The following ACSBG1 variants were observed in gnomAD, a reference collection of about 807,000 sequenced individuals.
ACSBG1 encodes the protein long-chain-fatty-acid--CoA ligase ACSBG1.
ACSBG1 carries 39 observed loss-of-function variants against 80.2 expected under a neutral mutation model. That is an observed-to-expected ratio of 0.49 (90% CI 0.38 to 0.64). ACSBG1 has a LOEUF of 0.64. Among genes scored for constraint, ACSBG1 ranks in the 30% least tolerant of loss-of-function variants. The probability of loss-of-function intolerance (pLI) is 0.00; values close to 1 mark genes in which losing one functional copy is unlikely to be tolerated. For missense variants in ACSBG1, 828 were observed against 966.4 expected, an observed-to-expected ratio of 0.86 and a Z score of 1.90; for synonymous variants, 392 against 379.5, an observed-to-expected ratio of 1.03 and a Z score of -0.38.
At position 78,168,808 on chromosome 15, in the gene ACSBG1, GA is replaced by G. The variant is rs1428935686; in HGVS notation, c.*2635del. ...CTCACTTTGAAATGAGGAACTAAAT[GA>G]AAGAGCAGCCGAGTAACTTGCCCAG... On this transcript the variant is annotated 3_prime_UTR_variant, in exon 14 of 14. Coordinates refer to ENST00000258873, the MANE Select transcript of ACSBG1 (RefSeq NM_015162.5). 1.5e-6 allele frequency: 1 copy of G among 670,880 alleles called. No individual in the cohort carries two copies. The highest frequency in any genetic ancestry group is 2.7e-6 in the Non-Finnish European group (1 of 369,080). The allele number at this position is 670,880 out of a possible 1,614,324, so 41.6% of individuals were successfully genotyped here. A position where few individuals can be genotyped will look rare whatever the true frequency, so the allele number is the denominator to read the frequency against.
chr15:78,195,592 C>G (rs2075106231), intron 2 of ACSBG1, among the ~76,000 whole-genome samples: 1 of 152,140 alleles, frequency 6.6e-6, no homozygotes, highest in South Asian at 2.1e-4. Context: ...ACTCAGTTCT[C>G]AGGGTGGACA....
At chr15:78,225,432 T>TAAAA (rs1196511052) in intron 1 of ACSBG1, among the ~76,000 whole-genome samples, 17 of 145,522 alleles carry the variant, frequency 1.2e-4, no homozygotes, top group African/African-American at 1.5e-4. Context: ...AATAAATAAA[T>TAAAA]AAAAATAAAT....
chr15:78,228,548 C>T (rs1349896118), intron 1 of ACSBG1, among the ~76,000 whole-genome samples: 1 of 152,214 alleles, frequency 6.6e-6, no homozygotes, highest in Non-Finnish European at 1.5e-5. Flanking sequence ...TGGCTAAAAT[C>T]TCTGCAGCTC....
chr15:78,182,276 C>T, intron 7 of ACSBG1, 131 bp from the exon 8 acceptor site: 1 of 1,344,288 alleles, frequency 7.4e-7, no homozygotes, highest in Non-Finnish European at 1.0e-6. Flanking sequence ...CTGAAAACCC[C>T]AGGACAGGCC....
chr15:78,179,502 C>A lies in ACSBG1; in HGVS notation c.1484+48G>T, dbSNP rs2141326151. On this transcript the variant is annotated intron_variant, in intron 10 of 13. Coordinates refer to ENST00000258873, the MANE Select transcript of ACSBG1 (RefSeq NM_015162.5). ...CACTCAGCAGGCGGGCACAAAGTACCAGCAAGGGCGCATGGGTGTGCATGT... is the reference window on the plus strand; with the variant it reads ...CACTCAGCAGGCGGGCACAAAGTACAAGCAAGGGCGCATGGGTGTGCATGT... The A allele has an allele frequency of 5.1e-6, 8 of 1,555,586 alleles. 1 individual carries two copies. In the East Asian group the frequency reaches 1.8e-4, roughly 35 times the overall value.
intron 1 of ACSBG1, among the ~76,000 whole-genome samples, chr15:78,209,446 G>A (rs1036727208): frequency 6.6e-6 from 1 of 152,142 alleles, no homozygotes; most frequent in Non-Finnish European, 1.5e-5. Context: ...TGAAGAGATG[G>A]CAACGTGTGC....
intron 2 of ACSBG1, among the ~76,000 whole-genome samples, chr15:78,203,757 A>G (rs952853249): frequency 1.3e-5 from 2 of 152,252 alleles, no homozygotes; most frequent in Admixed American, 6.5e-5. Context: ...GAAAGGCTGC[A>G]GGAAAGTAGC....
chr15:78,210,720 C>T (rs762497449), intron 1 of ACSBG1, among the ~76,000 whole-genome samples: 1 of 152,198 alleles, frequency 6.6e-6, no homozygotes, highest in Non-Finnish European at 1.5e-5. Flanking sequence ...CTCAAGCAAT[C>T]CTCTCATCTC....
chr15:78,233,703 C>T (rs1041108384), intron 1 of ACSBG1, among the ~76,000 whole-genome samples: 12 of 151,940 alleles, frequency 7.9e-5, no homozygotes, highest in Non-Finnish European at 1.5e-4. Flanking sequence ...TGTGCGTGTG[C>T]GCGTGCGCCT....
chr15:78,230,449 C>T (rs527255042), intron 1 of ACSBG1, among the ~76,000 whole-genome samples: 1 of 152,216 alleles, frequency 6.6e-6, no homozygotes, highest in Admixed American at 6.5e-5. Context: ...AGATAAGCCC[C>T]TCTCAGGCTA....
At chr15:78,201,471 A>T (rs993559729) in intron 2 of ACSBG1, among the ~76,000 whole-genome samples, 2 of 152,060 alleles carry the variant, frequency 1.3e-5, no homozygotes, top group Non-Finnish European at 1.5e-5. Context: ...CCCATCTTGC[A>T]CCCCTGAGAG....
At chr15:78,210,504 A>AAGT (rs2075258012) in intron 1 of ACSBG1, among the ~76,000 whole-genome samples, 4 of 152,330 alleles carry the variant, frequency 2.6e-5, no homozygotes, top group Admixed American at 2.6e-4. Flanking sequence ...GACTTGTCAC[A>AAGT]CAGAAACAAG....
At position 78,173,716 on chromosome 15, in the gene ACSBG1, C is replaced by T; in HGVS notation, c.1966G>A (p.Ala656Thr). ...CCCTCTTCGATGGCCTGGTACACGG[C>T]CTCATCCTTCTTCTCTATGATCTCG... ...VSEIIEKKDE[A>T]VYQAIEEGIR... is the part of the protein sequence containing the mutation. Residue 656 changes from alanine (A) to threonine (T), a missense_variant, in exon 13 of 14, where the codon GCC becomes ACC. Ala to Thr is a moderately conservative substitution (Grantham distance 58, BLOSUM62 0). Transcript: ENST00000258873. 1 of 1,614,250 alleles carries T rather than the reference C, an allele frequency of 6.2e-7. No individual in the cohort carries two copies. Among genetic ancestry groups the T allele is most frequent in the Non-Finnish European group, 8.5e-7 (1 of 1,180,052 alleles).
Position 78,178,867 on chromosome 15 carries a change from A to T in ACSBG1, c.1485-36T>A, listed in dbSNP as rs2074911410. ...AGGGGCCGGGAGACTGGTCAGAGGGAGCCGTCTCCTCCAAGCCCCCACTGG... is the reference window on the plus strand; with the variant it reads ...AGGGGCCGGGAGACTGGTCAGAGGGTGCCGTCTCCTCCAAGCCCCCACTGG... On this transcript the variant is annotated intron_variant, in intron 10 of 13. Coordinates refer to ENST00000258873, the MANE Select transcript of ACSBG1 (RefSeq NM_015162.5). This position sits in a 1 kb window ranked among gnomAD's most constrained non-coding sequence, Gnocchi z 4.3. 6 of 1,566,708 alleles carry T rather than the reference A, an allele frequency of 3.8e-6. No individual in the cohort carries two copies. The highest frequency in any genetic ancestry group is 5.2e-6 in the Non-Finnish European group (6 of 1,160,192).
At chr15:78,205,951 C>A (rs1179532598) in intron 2 of ACSBG1, among the ~76,000 whole-genome samples, 1 of 152,180 alleles carries the variant, frequency 6.6e-6, no homozygotes, top group Non-Finnish European at 1.5e-5. Flanking sequence ...CCGCTCCAGG[C>A]CTGGCACGCG....
chr15:78,194,572 C>T lies in ACSBG1; in HGVS notation c.387G>A (p.Lys129=), dbSNP rs1567086962. The T allele has an allele frequency of 6.2e-7, 1 of 1,614,274 alleles. No homozygotes were observed. The highest frequency in any genetic ancestry group is 8.5e-7 in the Non-Finnish European group (1 of 1,180,046). The change falls in exon 3 of 14, where the codon AAG becomes AAA. Residue 129 remains lysine (K), a synonymous_variant. Transcript: ENST00000258873. ...LIALGFKRQD[K]WEHISYSQYY... Reference sequence around the variant, plus strand: ...ATTGGGAGTAGGAGATGTGTTCCCACTTGTCCTGGCGCTTGAAGCCCAAAG... The same window carrying T: ...ATTGGGAGTAGGAGATGTGTTCCCATTTGTCCTGGCGCTTGAAGCCCAAAG...
chr15:78,207,923 A>AC, intron 2 of ACSBG1, 79 bp downstream of exon 2: 1 of 284,792 alleles, frequency 3.5e-6, no homozygotes, highest in Non-Finnish European at 7.2e-6. Context: ...GTGGTCCCCC[A>AC]CACCACCCAC....
intron 1 of ACSBG1, among the ~76,000 whole-genome samples, chr15:78,227,554 C>T (rs1238974435): frequency 2.0e-5 from 3 of 152,174 alleles, no homozygotes; most frequent in African/African-American, 7.2e-5. Context: ...ACAATACCCA[C>T]TGTTGACAAA....
intron 5 of ACSBG1, among the ~76,000 whole-genome samples, chr15:78,183,695 T>C (rs1219707163): frequency 1.3e-5 from 2 of 152,174 alleles, no homozygotes; most frequent in African/African-American, 2.4e-5. Context: ...TTATCTCACA[T>C]GATTTTGACT....
Sources: allele counts gnomAD v4.1 joint callset (sites outside exome capture counted in the v4.1 genomes callset), GRCh38; gene constraint gnomAD v4.1.1; non-coding constraint Gnocchi (gnomAD v3.1); transcripts MANE v1.5; gene names NCBI Gene and HGNC (gene_info 2026-07-23, HGNC 2026-07-21).